The following HIVEP3 variants were observed in gnomAD, a reference collection of about 807,000 sequenced individuals.
The protein encoded by HIVEP3 is HIVEP zinc finger 3.
In HIVEP3, 49 loss-of-function variants were observed where a neutral mutation model predicts 152.8. The ratio of observed to expected loss-of-function variants is 0.32; its 90% CI spans 0.26 to 0.41. The LOEUF (loss-of-function observed/expected upper bound fraction) is 0.41. HIVEP3 is among the 10% of genes least tolerant of loss of function. The probability of loss-of-function intolerance (pLI) is 1.00; values close to 1 mark genes in which losing one functional copy is unlikely to be tolerated. For missense variants in HIVEP3, 2,790 were observed against 3,103.3 expected (o/e 0.90, Z 2.40); for synonymous variants, 1,269 against 1,289.0 (o/e 0.98, Z 0.33).
At chr1:42,005,981 G>T (rs1225284377) in intron 1 of HIVEP3, among the ~76,000 whole-genome samples, 1 of 152,088 alleles carries the variant, frequency 6.6e-6, no homozygotes, top group Non-Finnish European at 1.5e-5. Flanking sequence ...ATTTTCCTGG[G>T]AATTTCCAGT....
At chr1:41,925,601 C>T (rs1355439148) in intron 1 of HIVEP3, among the ~76,000 whole-genome samples, 4 of 152,172 alleles carry the variant, frequency 2.6e-5, no homozygotes, top group Non-Finnish European at 5.9e-5. Context: ...ATAGTGGACC[C>T]GTACAGTTCA....
At chr1:41,570,383 C>G (rs1644234757) in intron 5 of HIVEP3, among the ~76,000 whole-genome samples, 1 of 152,164 alleles carries the variant, frequency 6.6e-6, no homozygotes, top group Non-Finnish European at 1.5e-5. Context: ...GCAGTTTCCC[C>G]TATACCATTC....
At chr1:41,562,284 C>T (rs1644077438) in intron 5 of HIVEP3, among the ~76,000 whole-genome samples, 1 of 152,184 alleles carries the variant, frequency 6.6e-6, no homozygotes, top group African/African-American at 2.4e-5. Flanking sequence ...CTGTCAGGTT[C>T]CCACCTGTGC....
At chr1:41,961,105 C>T (rs149745445) in intron 1 of HIVEP3, among the ~76,000 whole-genome samples, 116 of 152,294 alleles carry the variant, frequency 7.6e-4, no homozygotes, top group African/African-American at 2.6e-3. Context: ...AACAATTGTG[C>T]CAAGTTCTAA....
At chr1:41,753,912 T>C (rs182304980) in intron 1 of HIVEP3, among the ~76,000 whole-genome samples, 5 of 152,110 alleles carry the variant, frequency 3.3e-5, no homozygotes, top group Non-Finnish European at 7.4e-5. Context: ...GCAAGTGCAA[T>C]ATCCGTTGTG....
rs573061289 is a variant in HIVEP3 at position 41,627,969 on chromosome 1, C to T, written c.-522+780G>A. Among the ~76,000 whole-genome samples, 4 of 152,122 alleles carry T rather than the reference C, an allele frequency of 2.6e-5. No individual in the cohort carries two copies. In the South Asian group the frequency reaches 8.3e-4, roughly 32 times the overall value. On this transcript the variant is annotated intron_variant, in intron 3 of 8. Coordinates refer to ENST00000372583, the MANE Select transcript of HIVEP3 (RefSeq NM_024503.5). ...CTCTCTGGGTGATTCTGGCTCTCCA[C>T]ACCAGAGAAAACATCCAAGGACTTG...
chr1:41,687,954 T>C (rs1646137984), intron 2 of HIVEP3, among the ~76,000 whole-genome samples: 1 of 152,174 alleles, frequency 6.6e-6, no homozygotes. Flanking sequence ...AAGCCAACAA[T>C]TTCCCAGCCA....
chr1:42,005,381 GAC>G (rs1297567406), intron 1 of HIVEP3, among the ~76,000 whole-genome samples: 1 of 151,612 alleles, frequency 6.6e-6, no homozygotes, highest in African/African-American at 2.4e-5. Flanking sequence ...ACATATATAT[GAC>G]ACACACATGT....
intron 1 of HIVEP3, among the ~76,000 whole-genome samples, chr1:42,024,404 A>G (rs953173792): frequency 5.3e-5 from 8 of 152,174 alleles, no homozygotes; most frequent in African/African-American, 1.9e-4. Flanking sequence ...GTCTTCCTCA[A>G]CTAGCTGGGA....
rs145053492 is a variant in HIVEP3 at position 41,626,654 on chromosome 1, C to G, written c.-522+2095G>C. Among the ~76,000 whole-genome samples the G allele has an allele frequency of 2.3e-3, 351 of 152,286 alleles. 1 individual carries two copies. The highest frequency in any genetic ancestry group is 5.0e-3 in the South Asian group (24 of 4,824). ...ACACCTCATGGAATGAACCCAGATC[C>G]TGTCCTGAGACTGCTCATGAGACCC... On this transcript the variant is annotated intron_variant, in intron 3 of 8. Transcript: ENST00000372583.
At chr1:41,724,256 A>G (rs1646719801) in intron 1 of HIVEP3, among the ~76,000 whole-genome samples, 1 of 152,230 alleles carries the variant, frequency 6.6e-6, no homozygotes, top group South Asian at 2.1e-4. Flanking sequence ...TGCAGCTTCA[A>G]GATAAGTCTT....
chr1:41,702,145 A>G (rs1339958646), intron 1 of HIVEP3, among the ~76,000 whole-genome samples: 1 of 152,084 alleles, frequency 6.6e-6, no homozygotes, highest in African/African-American at 2.4e-5. Context: ...AGGGCCTGGC[A>G]CCAAGCAGAA....
At chr1:41,635,712 G>C (rs1038068621) in intron 2 of HIVEP3, among the ~76,000 whole-genome samples, 2 of 151,536 alleles carry the variant, frequency 1.3e-5, no homozygotes, top group African/African-American at 4.9e-5. Context: ...CAACAAAATG[G>C]ACAAATCGGT....
chr1:41,541,841 A>G (rs1643537873), intron 5 of HIVEP3, among the ~76,000 whole-genome samples: 2 of 152,190 alleles, frequency 1.3e-5, no homozygotes, highest in African/African-American at 4.8e-5. Context: ...GCACAATTCC[A>G]TAGGTATGTT....
intron 2 of HIVEP3, among the ~76,000 whole-genome samples, chr1:41,686,614 G>C (rs980285384): frequency 2.0e-5 from 3 of 152,148 alleles, no homozygotes; most frequent in African/African-American, 7.2e-5. Flanking sequence ...TCTAAGTACT[G>C]ACTGGAACCA....
chr1:41,646,305 G>C lies in HIVEP3; in HGVS notation c.-720-17358C>G, dbSNP rs1448405985. ...TCCAAGTTACCAAGTGTCAGGGCCA[G>C]GGGCAAACCCCAGGCACCCTGTGTT... On this transcript the variant is annotated intron_variant, in intron 2 of 8. Transcript: ENST00000372583. Among the ~76,000 whole-genome samples the C allele has an allele frequency of 1.3e-5, 2 of 152,204 alleles. 1 individual carries two copies. Among genetic ancestry groups the C allele is most frequent in the South Asian group, 4.1e-4 (2 of 4,822 alleles).
In HIVEP3 at chr1:41,873,253, GC is replaced by G. The variant is rs1644113390; in HGVS notation, c.-801+45159del. ...CCCTTCGGTGCTCCTCTCTTCATCTGCCTTCAGAGGTAGTCCTGATTAACCT... is the reference window on the plus strand; with the variant it reads ...CCCTTCGGTGCTCCTCTCTTCATCTGCTTCAGAGGTAGTCCTGATTAACCT... On this transcript the variant is annotated intron_variant, in intron 1 of 8. Transcript: ENST00000372583. The surrounding 1 kb of genome is among the most constrained non-coding windows in gnomAD (Gnocchi z 4.2). Among the ~76,000 whole-genome samples the G allele has an allele frequency of 1.3e-5, 2 of 152,160 alleles. No individual in the cohort carries two copies. Among genetic ancestry groups the G allele is most frequent in the South Asian group, 4.2e-4 (2 of 4,818 alleles).
chr1:41,772,333 A>C (rs908862541), intron 1 of HIVEP3, among the ~76,000 whole-genome samples: 4 of 152,160 alleles, frequency 2.6e-5, no homozygotes, highest in Non-Finnish European at 5.9e-5. Flanking sequence ...CTTTTTGGGG[A>C]CATGAGATGT....
intron 1 of HIVEP3, among the ~76,000 whole-genome samples, chr1:41,852,502 G>A (rs1293392124): frequency 6.6e-6 from 1 of 152,204 alleles, no homozygotes; most frequent in African/African-American, 2.4e-5. Context: ...CCAGGCCCTG[G>A]CTTCTTCATG....
Sources: allele counts gnomAD v4.1 joint callset (sites outside exome capture counted in the v4.1 genomes callset), GRCh38; gene constraint gnomAD v4.1.1; non-coding constraint Gnocchi (gnomAD v3.1); transcripts MANE v1.5; gene names NCBI Gene and HGNC (gene_info 2026-07-23, HGNC 2026-07-21).